The following LGSN variants were observed in gnomAD, a reference collection of about 807,000 sequenced individuals.
LGSN encodes the protein lengsin.
In LGSN, 21 loss-of-function variants were observed where a neutral mutation model predicts 19.5. That is an observed-to-expected ratio of 1.07 (90% CI 0.76 to 1.55). LGSN has a LOEUF of 1.55. Ranked by LOEUF, LGSN falls within the 40% of genes most tolerant of loss-of-function variation. LGSN has a pLI of 0.00. For synonymous variants in LGSN, 257 were observed against 215.6 expected (o/e 1.19, Z -1.68); for missense variants, 673 against 608.5 (o/e 1.11, Z -1.12).
chr6:63,548,514 A>T, the LGSN span, among the ~76,000 whole-genome samples: 271 of 152,266 alleles, frequency 1.8e-3, 11 homozygotes, highest in East Asian at 0.048. Context: ...CCTGTGAGCT[A>T]TGTAGAGCCT....
At chr6:63,333,197 G>A in the LGSN span, among the ~76,000 whole-genome samples, 443 of 152,126 alleles carry the variant, frequency 2.9e-3, 2 homozygotes, top group African/African-American at 0.01. Context: ...CATCCTGCTG[G>A]CTGGTAGAGC....
At chr6:63,454,470 C>CTTTTTTTTTTTTTTTTTTTTTTTTT in the LGSN span, among the ~76,000 whole-genome samples, 1 of 118,652 alleles carries the variant, frequency 8.4e-6, no homozygotes. Context: ...TTTACATTTT[C>CTTTTTTTTTTTTTTTTTTTTTTTTT]TTTTTTTTTT....
At chr6:63,375,623 G>A in the LGSN span, among the ~76,000 whole-genome samples, 1 of 152,118 alleles carries the variant, frequency 6.6e-6, no homozygotes, top group African/African-American at 2.4e-5. Context: ...GGAGAGATTA[G>A]AGAGTAATGC....
the LGSN span, chr6:63,571,145 T>C: frequency 6.6e-6 from 1 of 152,244 alleles, no homozygotes; most frequent in Non-Finnish European, 1.5e-5. Context: ...TTTGAAAGTC[T>C]GGCCCAGGAT....
the LGSN span, among the ~76,000 whole-genome samples, chr6:63,333,990 T>A: frequency 6.6e-6 from 1 of 152,202 alleles, no homozygotes; most frequent in Non-Finnish European, 1.5e-5. Flanking sequence ...ATAAAGGTCA[T>A]ATATAACAAA....
At chr6:63,363,923 A>G in the LGSN span, among the ~76,000 whole-genome samples, 1 of 152,192 alleles carries the variant, frequency 6.6e-6, no homozygotes, top group Non-Finnish European at 1.5e-5. Context: ...AAATGAAGGA[A>G]AAAATGAAAA....
chr6:63,480,972 TATATATATATATATAC>T, the LGSN span, among the ~76,000 whole-genome samples: 28 of 30,674 alleles, frequency 9.1e-4, no homozygotes, highest in African/African-American at 1.9e-3. Context: ...TATATATATA[TATATATATATATATAC>T]ACACACACAT....
chr6:63,535,172 A>G, the LGSN span, among the ~76,000 whole-genome samples: 1 of 152,142 alleles, frequency 6.6e-6, no homozygotes, highest in African/African-American at 2.4e-5. Flanking sequence ...AAGGATTAAA[A>G]ACACAGTAAT....
the LGSN span, among the ~76,000 whole-genome samples, chr6:63,372,350 G>A: frequency 6.6e-6 from 1 of 152,136 alleles, no homozygotes; most frequent in African/African-American, 2.4e-5. Flanking sequence ...CTGACCTAGG[G>A]CTCTGTACCC....
chr6:63,461,010 T>C, the LGSN span, among the ~76,000 whole-genome samples: 1 of 152,188 alleles, frequency 6.6e-6, no homozygotes, highest in Non-Finnish European at 1.5e-5. Flanking sequence ...CTATCTTCTG[T>C]AGCTACTGGG....
intron 1 of LGSN, among the ~76,000 whole-genome samples, chr6:63,314,421 G>A (rs1304588309): frequency 1.3e-5 from 2 of 152,148 alleles, no homozygotes; most frequent in Non-Finnish European, 2.9e-5. Flanking sequence ...TGTAATTTAA[G>A]CCAGCCAACC....
chr6:63,567,780 T>A, the LGSN span, among the ~76,000 whole-genome samples: 2 of 152,268 alleles, frequency 1.3e-5, no homozygotes, highest in East Asian at 3.8e-4. Flanking sequence ...GACTGTTTTG[T>A]CTACATTGAA....
chr6:63,473,345 A>G, the LGSN span, among the ~76,000 whole-genome samples: 1 of 151,672 alleles, frequency 6.6e-6, no homozygotes, highest in Non-Finnish European at 1.5e-5. Flanking sequence ...ATGGTGGTGC[A>G]TGCCTATAAT....
the LGSN span, among the ~76,000 whole-genome samples, chr6:63,471,680 T>C: frequency 6.8e-6 from 1 of 146,552 alleles, no homozygotes; most frequent in Non-Finnish European, 1.5e-5. Context: ...AAAAAAAAAA[T>C]CAGTAGACCA....
the LGSN span, among the ~76,000 whole-genome samples, chr6:63,498,695 C>A: frequency 6.6e-6 from 1 of 152,146 alleles, no homozygotes; most frequent in East Asian, 1.9e-4. Context: ...GTGGTTTCTC[C>A]CTGTTACATT....
At chr6:63,412,464 A>AAGAAAGAAGG in the LGSN span, among the ~76,000 whole-genome samples, 2 of 128,640 alleles carry the variant, frequency 1.6e-5, no homozygotes, top group African/African-American at 7.5e-5. Flanking sequence ...GAAAGAAAGA[A>AAGAAAGAAGG]AAAGAGAGAG....
chr6:63,420,265 C>A, the LGSN span, among the ~76,000 whole-genome samples: 2 of 152,186 alleles, frequency 1.3e-5, no homozygotes, highest in South Asian at 4.1e-4. Flanking sequence ...CTGCATCCCC[C>A]CGGCCCCCTG....
rs139899478 is a variant in LGSN at position 63,305,571 on chromosome 6, G to A, written c.31-10526C>T. Reference sequence around the variant, plus strand: ...GTTCAAATAAGGGAAACTCCCAGCTGTAACTAATTCAGCTGTTTCTGTGAC... The same window carrying A: ...GTTCAAATAAGGGAAACTCCCAGCTATAACTAATTCAGCTGTTTCTGTGAC... On this transcript the variant is annotated intron_variant, in intron 1 of 3. Coordinates refer to ENST00000370657, the MANE Select transcript of LGSN (RefSeq NM_016571.3). 6.3e-4 allele frequency among the ~76,000 whole-genome samples: 96 copies of A among 152,292 alleles called. 1 individual carries two copies. Among genetic ancestry groups the A allele is most frequent in the African/African-American group, 2.2e-3 (92 of 41,560 alleles).
the LGSN span, among the ~76,000 whole-genome samples, chr6:63,507,927 A>G: frequency 1.3e-5 from 2 of 152,308 alleles, no homozygotes; most frequent in Admixed American, 6.5e-5. Flanking sequence ...TGAGTTTTCC[A>G]TCATGCCCAA....
Sources: gnomAD v4.1 joint callset for allele counts (sites outside exome capture counted in the v4.1 genomes callset) on GRCh38, gnomAD v4.1.1 for gene constraint, MANE v1.5 for transcripts, NCBI Gene and HGNC (gene_info 2026-07-23, HGNC 2026-07-21) for gene names.